FRMPD4: variants seen among roughly 807,000 people sequenced by gnomAD.
FRMPD4 encodes FERM and PDZ domain containing 4.
In FRMPD4, 22 loss-of-function variants were observed where a neutral mutation model predicts 94.1. The observed-to-expected ratio is 0.23, with a 90% CI of 0.17 to 0.33. The LOEUF (loss-of-function observed/expected upper bound fraction) is 0.33, where lower values mean the gene tolerates loss of function less well. Ranked by LOEUF, FRMPD4 falls within the 10% of genes least tolerant of loss-of-function variation. FRMPD4 has a pLI of 1.00. For missense variants in FRMPD4, 1,111 were observed against 1,339.9 expected, an observed-to-expected ratio of 0.83 and a Z score of 2.67; for synonymous variants, 631 against 548.6, an observed-to-expected ratio of 1.15 and a Z score of -2.10.
intron 1 of FRMPD4, among the ~76,000 whole-genome samples, chrX:12,313,582 G>T (rs1033185173): frequency 8.9e-6 from 1 of 112,423 alleles, no homozygotes; most frequent in African/African-American, 3.2e-5. Context: ...CCAAAACTTT[G>T]AATTTTGAGA....
chrX:12,150,575 G>C (rs1361579624), intron 1 of FRMPD4, among the ~76,000 whole-genome samples: 1 of 111,916 alleles, frequency 8.9e-6, no homozygotes, highest in Non-Finnish European at 1.9e-5. Flanking sequence ...AAAATAGAAG[G>C]CTAAGTGATA....
intron 3 of FRMPD4, among the ~76,000 whole-genome samples, chrX:11,987,028 G>A (rs2054433194): frequency 1.0e-5 from 1 of 97,882 alleles, no homozygotes; most frequent in Non-Finnish European, 2.0e-5. Context: ...AAGAGAGGAG[G>A]AGGGCAAACT....
Position 12,261,758 on chromosome X carries a change from G to C in FRMPD4, c.41+122746G>C, listed in dbSNP as rs972272937. Among the ~76,000 whole-genome samples, 22 of 111,778 alleles carry C rather than the reference G, an allele frequency of 2.0e-4. No homozygotes were observed. In the Admixed American group the frequency reaches 2.1e-3, roughly 11 times the overall value. On this transcript the variant is annotated intron_variant, in intron 1 of 16. Coordinates refer to ENST00000675598, the MANE Select transcript of FRMPD4 (RefSeq NM_001368397.1). ...ATCCAGCTTCAACAATTATCAATAT[G>C]CTGTCATTTATGAGTCGCCTATATG...
At chrX:12,415,713 A>T (rs1428844250) in intron 1 of FRMPD4, among the ~76,000 whole-genome samples, 1 of 112,083 alleles carries the variant, frequency 8.9e-6, no homozygotes, top group African/African-American at 3.2e-5. Flanking sequence ...TATACATGAT[A>T]TATCCAGAGT....
At chrX:12,279,200 T>A (rs1438552748) in intron 1 of FRMPD4, among the ~76,000 whole-genome samples, 1 of 112,840 alleles carries the variant, frequency 8.9e-6, no homozygotes, top group Non-Finnish European at 1.9e-5. Flanking sequence ...ACGGTGATGA[T>A]GTAGTCTTGG....
chrX:11,998,431 G>C (rs2054507838), intron 3 of FRMPD4, among the ~76,000 whole-genome samples: 1 of 111,527 alleles, frequency 9.0e-6, no homozygotes, highest in African/African-American at 3.3e-5. Context: ...AGGGGGATGA[G>C]AGATAGGAAA....
upstream of FRMPD4, among the ~76,000 whole-genome samples, chrX:12,133,661 A>G (rs1414649830): frequency 9.0e-6 from 1 of 111,380 alleles, no homozygotes; most frequent in Non-Finnish European, 1.9e-5. Flanking sequence ...CACCTCCTAC[A>G]TCTAACCCAT....
chrX:11,926,707 C>G (rs2054090519), intron 3 of FRMPD4, among the ~76,000 whole-genome samples: 1 of 111,559 alleles, frequency 9.0e-6, no homozygotes, highest in Non-Finnish European at 1.9e-5. Context: ...ATTCAACACC[C>G]CTTCATGTCA....
intron 4 of FRMPD4, among the ~76,000 whole-genome samples, chrX:12,671,774 T>C (rs1293514725): frequency 2.7e-5 from 3 of 111,003 alleles, no homozygotes; most frequent in Non-Finnish European, 5.7e-5. Flanking sequence ...TGGGAATAAG[T>C]AGAGCACGCA....
At chrX:12,085,506 C>G (rs917482444) in intron 3 of FRMPD4, among the ~76,000 whole-genome samples, 1 of 110,881 alleles carries the variant, frequency 9.0e-6, no homozygotes, top group Admixed American at 9.6e-5. Context: ...CCACTGCACT[C>G]CAGCCTGGTC....
Position 12,410,956 on chromosome X carries a change from A to T in FRMPD4, c.42-87724A>T, listed in dbSNP as rs56767056. On this transcript the variant is annotated intron_variant, in intron 1 of 16. Coordinates refer to ENST00000675598, the MANE Select transcript of FRMPD4 (RefSeq NM_001368397.1). The stretch of plus-strand genomic sequence containing the variant: ...GTAAAAACGGATATATAAGCAAAAT[A>T]GAATTGTTAAGGTATTCCTAAAACT... Among the ~76,000 whole-genome samples the T allele has an allele frequency of 1.7e-3, 193 of 112,110 alleles. 5 individuals are homozygous for T. In the East Asian group the frequency reaches 0.046, roughly 27 times the overall value.
At chrX:11,841,494 C>T (rs1239875199) in intron 1 of FRMPD4, among the ~76,000 whole-genome samples, 3 of 107,935 alleles carry the variant, frequency 2.8e-5, no homozygotes, top group Non-Finnish European at 3.9e-5. Context: ...TCTCTGATGG[C>T]CAGTGATGGT....
chrX:12,484,525 T>A (rs575904397), intron 1 of FRMPD4, among the ~76,000 whole-genome samples: 120 of 112,416 alleles, frequency 1.1e-3, no homozygotes, highest in African/African-American at 3.6e-3. Flanking sequence ...GAGACACTTT[T>A]GTTTTGCTGC....
chrX:12,620,663 C>T (rs901748516), intron 4 of FRMPD4, among the ~76,000 whole-genome samples: 1 of 112,322 alleles, frequency 8.9e-6, no homozygotes, highest in Non-Finnish European at 1.9e-5. Context: ...ATTGCAAGAC[C>T]CCATTGCAGA....
At chrX:12,495,663 ACTCTCTG>A (rs2148218377) in intron 1 of FRMPD4, among the ~76,000 whole-genome samples, 1 of 110,415 alleles carries the variant, frequency 9.1e-6, no homozygotes, top group African/African-American at 3.3e-5. Context: ...TGCTTCTCAA[ACTCTCTG>A]CTCCAGCATA....
At chrX:12,698,184 C>A (rs1464274859) in intron 9 of FRMPD4, among the ~76,000 whole-genome samples, 5 of 111,889 alleles carry the variant, frequency 4.5e-5, no homozygotes, top group Non-Finnish European at 7.5e-5. Context: ...TAGCCATTGA[C>A]TAGATGAATC....
At chrX:12,430,854 T>C (rs2057002614) in intron 1 of FRMPD4, among the ~76,000 whole-genome samples, 1 of 112,316 alleles carries the variant, frequency 8.9e-6, no homozygotes. Flanking sequence ...CTAGGTAAAA[T>C]GACATCATTG....
chrX:12,138,684 C>T lies in FRMPD4; in HGVS notation c.-288C>T. ...GGGCGCGAGACCCGGGCCGCGCTCC[C>T]CGCCCCCGCCTCTTGCGCCCTGCCT... On this transcript the variant is annotated 5_prime_UTR_variant, in exon 1 of 17. Coordinates refer to ENST00000675598, the MANE Select transcript of FRMPD4 (RefSeq NM_001368397.1). The T allele has an allele frequency of 3.3e-6, 1 of 300,553 alleles. No homozygotes were observed. The highest frequency in any genetic ancestry group is 5.8e-6 in the Non-Finnish European group (1 of 172,829). The allele number at this position is 300,553 out of a possible 1,213,427, so 24.8% of individuals were successfully genotyped here. A position where few individuals can be genotyped will look rare whatever the true frequency, so the allele number is the denominator to read the frequency against.
At chrX:11,833,241 A>C (rs1240044874) in intron 1 of FRMPD4, among the ~76,000 whole-genome samples, 1 of 112,314 alleles carries the variant, frequency 8.9e-6, no homozygotes, top group Non-Finnish European at 1.9e-5. Context: ...TCATCTACTG[A>C]AGGACACCTT....
Sources: allele counts gnomAD v4.1 joint callset (sites outside exome capture counted in the v4.1 genomes callset), GRCh38; gene constraint gnomAD v4.1.1; transcripts MANE v1.5; gene names NCBI Gene and HGNC (gene_info 2026-07-23, HGNC 2026-07-21).